The following TANGO6 variants were observed in gnomAD, a reference collection of about 807,000 sequenced individuals.
The protein encoded by TANGO6 is transport and golgi organization 6 homolog.
A neutral mutation model predicts 114.2 loss-of-function variants in TANGO6; 90 were observed. The ratio of observed to expected loss-of-function variants is 0.79; its 90% CI spans 0.66 to 0.94. TANGO6 has a LOEUF of 0.94. Among genes scored for constraint, TANGO6 ranks in the 40% least tolerant of loss-of-function variants. The pLI is 0.00. For synonymous variants in TANGO6, 477 were observed against 509.8 expected (o/e 0.94, Z 0.87); for missense variants, 1,274 against 1,315.3 (o/e 0.97, Z 0.49).
rs74342619 is a variant in TANGO6, at chr16:68,902,266, G to A, written c.1491-62G>A. 1.9e-3 allele frequency: 2,786 copies of A among 1,481,644 alleles called. 47 individuals carry two copies. In the African/African-American group the frequency reaches 0.034, roughly 18 times the overall value. The allele number at this position is 1,481,644 out of a possible 1,614,324, so 91.8% of individuals were successfully genotyped here. ...TGACAGCCTTTCTTTCTTTTTTTAT[G>A]TTAGCTTGTTAGATGCATGGAGTAA... On this transcript the variant is annotated intron_variant, in intron 8 of 17. Transcript: ENST00000261778.
chr16:68,923,133 T>C (rs1255081390), intron 12 of TANGO6, among the ~76,000 whole-genome samples: 2 of 151,116 alleles, frequency 1.3e-5, no homozygotes, highest in Non-Finnish European at 3.0e-5. Flanking sequence ...TTTTTTTTTT[T>C]TTGTAGTAGA....
At chr16:68,955,923 G>A (rs1963526059) in intron 14 of TANGO6, among the ~76,000 whole-genome samples, 1 of 152,130 alleles carries the variant, frequency 6.6e-6, no homozygotes, top group African/African-American at 2.4e-5. Flanking sequence ...GCCCGAGGCT[G>A]GAGGATTACC....
chr16:68,897,601 G>A (rs989564213), intron 7 of TANGO6, among the ~76,000 whole-genome samples: 11 of 148,332 alleles, frequency 7.4e-5, no homozygotes, highest in Admixed American at 6.7e-4. Context: ...TTTTTGAGAC[G>A]GTGTTTTACT....
chr16:68,861,112 A>G (rs958637269), intron 2 of TANGO6, among the ~76,000 whole-genome samples: 1 of 152,202 alleles, frequency 6.6e-6, no homozygotes, highest in Non-Finnish European at 1.5e-5. Flanking sequence ...TCATAGACAC[A>G]TAAGACATGG....
chr16:68,846,353 C>T lies in TANGO6; in HGVS notation c.94+2642C>T, dbSNP rs182126468. Among the ~76,000 whole-genome samples, 759 of 152,258 alleles carry T rather than the reference C, an allele frequency of 5.0e-3. 10 individuals are homozygous for T. The highest frequency in any genetic ancestry group is 6.0e-3 in the Non-Finnish European group (406 of 68,012). Reference sequence around the variant, plus strand: ...AACCTCAAGAAGTCAGCTGGATTTTCATATCTGCTTCTCCAGTCTGTCATG... The same window carrying T: ...AACCTCAAGAAGTCAGCTGGATTTTTATATCTGCTTCTCCAGTCTGTCATG... On this transcript the variant is annotated intron_variant, in intron 1 of 17. Transcript: ENST00000261778.
chr16:69,072,577 T>TG (rs966145898), intron 17 of TANGO6, among the ~76,000 whole-genome samples: 9 of 152,126 alleles, frequency 5.9e-5, no homozygotes, highest in Non-Finnish European at 1.0e-4. Flanking sequence ...CTTTGATCCT[T>TG]GGGGAGTCCA....
intron 16 of TANGO6, among the ~76,000 whole-genome samples, chr16:69,030,107 C>CA (rs529117472): frequency 0.15 from 9,242 of 61,240 alleles, 469 homozygotes; most frequent in Non-Finnish European, 0.21. Flanking sequence ...GACTCTGACT[C>CA]AAAAAAAAAA....
intron 6 of TANGO6, among the ~76,000 whole-genome samples, chr16:68,880,061 C>T (rs1433744315): frequency 6.6e-6 from 1 of 152,088 alleles, no homozygotes; most frequent in Non-Finnish European, 1.5e-5. Flanking sequence ...CAACCTCCGC[C>T]TCCCGGGTTC....
intron 15 of TANGO6, among the ~76,000 whole-genome samples, chr16:69,012,442 G>A (rs548690224): frequency 6.6e-6 from 1 of 151,484 alleles, no homozygotes; most frequent in Non-Finnish European, 1.5e-5. Context: ...TGTAATCCCA[G>A]CTACTCAAGA....
chr16:68,883,945 T>C (rs1179976620), intron 7 of TANGO6, among the ~76,000 whole-genome samples: 1 of 152,144 alleles, frequency 6.6e-6, no homozygotes, highest in Non-Finnish European at 1.5e-5. Flanking sequence ...AGTCTCCCTC[T>C]GTTACCCAGG....
intron 14 of TANGO6, among the ~76,000 whole-genome samples, chr16:68,971,332 G>T (rs1248424103): frequency 1.3e-5 from 2 of 152,054 alleles, no homozygotes; most frequent in African/African-American, 4.8e-5. Flanking sequence ...GTGCAATGCT[G>T]CAATCATAGC....
At chr16:68,981,408 G>C (rs1963835324) in intron 15 of TANGO6, among the ~76,000 whole-genome samples, 1 of 151,598 alleles carries the variant, frequency 6.6e-6, no homozygotes, top group Admixed American at 6.6e-5. Context: ...ACGGGTTTTT[G>C]CCATGTTGGC....
chr16:68,934,753 AT>A (rs1963283659), intron 14 of TANGO6, among the ~76,000 whole-genome samples: 1 of 152,104 alleles, frequency 6.6e-6, no homozygotes, highest in East Asian at 1.9e-4. Flanking sequence ...TCATTGATTT[AT>A]TTTTTTTAAG....
At chr16:69,016,122 C>A (rs1242303010) in intron 15 of TANGO6, among the ~76,000 whole-genome samples, 1 of 152,136 alleles carries the variant, frequency 6.6e-6, no homozygotes, top group Non-Finnish European at 1.5e-5. Flanking sequence ...TGTCTTTCTT[C>A]CCCGCTAGAA....
At chr16:69,029,117 A>G (rs992401875) in intron 16 of TANGO6, among the ~76,000 whole-genome samples, 3 of 152,162 alleles carry the variant, frequency 2.0e-5, no homozygotes, top group African/African-American at 7.2e-5. Context: ...TACTATCCAA[A>G]GTGTTAAGAG....
At position 69,084,194 on chromosome 16, in the gene TANGO6, TA is replaced by T. The variant is rs1960506317; in HGVS notation, c.*536del. On this transcript the variant is annotated 3_prime_UTR_variant, in exon 18 of 18. Transcript: ENST00000261778. ...AGTTATCAAATAATGCAAAATGGAA[TA>T]AAGTTATCTTGGATGGAAAGAACAG... 6.6e-6 allele frequency: 1 copy of T among 152,470 alleles called. No homozygotes were observed. The highest frequency in any genetic ancestry group is 2.1e-4 in the South Asian group (1 of 4,840). 9.4% of individuals were successfully genotyped at this position (152,470 alleles called of 1,614,324 possible). A position where few individuals can be genotyped will look rare whatever the true frequency, so the allele number is the denominator to read the frequency against.
intron 15 of TANGO6, among the ~76,000 whole-genome samples, chr16:69,002,439 T>A (rs1421993556): frequency 6.6e-6 from 1 of 152,106 alleles, no homozygotes; most frequent in Non-Finnish European, 1.5e-5. Context: ...CATAGGGATG[T>A]TTTCCCCCAT....
chr16:69,058,909 CTT>C (rs754689921), intron 17 of TANGO6, among the ~76,000 whole-genome samples: 13 of 136,512 alleles, frequency 9.5e-5, no homozygotes, highest in Admixed American at 2.2e-4. Context: ...CTTTTCTACT[CTT>C]TTTTTTTTTT....
intron 14 of TANGO6, among the ~76,000 whole-genome samples, chr16:68,968,694 G>A (rs1963671788): frequency 9.2e-6 from 1 of 108,962 alleles, no homozygotes; most frequent in African/African-American, 3.8e-5. Flanking sequence ...TTTTTGAGAC[G>A]GAGTCTTGCT....
Sources: allele counts gnomAD v4.1 joint callset (sites outside exome capture counted in the v4.1 genomes callset), GRCh38; gene constraint gnomAD v4.1.1; transcripts MANE v1.5; gene names NCBI Gene and HGNC (gene_info 2026-07-23, HGNC 2026-07-21).